The following TCTN3 variants were observed in gnomAD, a reference collection of about 807,000 sequenced individuals.
TCTN3 encodes the protein tectonic-3.
In TCTN3, 57 loss-of-function variants were observed where a neutral mutation model predicts 71.3. The observed-to-expected ratio is 0.80, with a 90% CI of 0.65 to 1.00. The LOEUF is 1.00. TCTN3 is among the 50% of genes least tolerant of loss of function. The pLI, the probability that TCTN3 is intolerant of heterozygous loss-of-function variation, is 0.00. For synonymous variants in TCTN3, 258 were observed against 267.8 expected (o/e 0.96, Z 0.36); for missense variants, 696 against 719.9 (o/e 0.97, Z 0.38).
intron 6 of TCTN3, 42 bp from the exon 7 acceptor site, chr10:95,686,572 A>G (rs369514126): frequency 6.3e-6 from 10 of 1,598,858 alleles, no homozygotes; most frequent in Non-Finnish European, 8.5e-6. Flanking sequence ...ATACCTTACC[A>G]AAAATCACCA....
chr10:95,686,257 A>G (rs1403656698), intron 7 of TCTN3, among the ~76,000 whole-genome samples: 1 of 152,212 alleles, frequency 6.6e-6, no homozygotes, highest in African/African-American at 2.4e-5. Context: ...CACCCTAAAT[A>G]TAGTTTATTT....
chr10:95,671,426 A>C (rs1272336905), intron 13 of TCTN3, among the ~76,000 whole-genome samples: 1 of 152,264 alleles, frequency 6.6e-6, no homozygotes, highest in Non-Finnish European at 1.5e-5. Context: ...ACTTTGTAAC[A>C]ACATGAAGAC....
chr10:95,669,273 A>ATAGC (rs2097928553), intron 13 of TCTN3, among the ~76,000 whole-genome samples: 1 of 152,226 alleles, frequency 6.6e-6, no homozygotes, highest in South Asian at 2.1e-4. Flanking sequence ...GTATTTCAAA[A>ATAGC]TAGCTAGAAG....
At position 95,687,642 on chromosome 10, in the gene TCTN3, C is replaced by A. The variant is rs745634312; in HGVS notation, c.577G>T (p.Glu193Ter). The change falls in exon 4 of 14, where the codon GAA (glutamate) becomes TAA (stop). Residue 193 changes from glutamate (E) to a stop codon, truncating the protein, a stop_gained. Transcript: ENST00000371217. LOFTEE classifies it high-confidence loss of function. Reference protein sequence around the residue: ...FQALAAEFGGESFTSTFQTQS... With the variant: ...FQALAAEFGG ...GTTTGGAATGTTGAAGTGAATGATT[C>A]GCCTCCAAACTCTGCAGCCAGGGCC... is the stretch of plus-strand genomic sequence containing the variant. The A allele has an allele frequency of 1.2e-6, 2 of 1,614,018 alleles. No individual in the cohort carries two copies. Among genetic ancestry groups the A allele is most frequent in the Non-Finnish European group, 1.7e-6 (2 of 1,180,018 alleles).
chr10:95,693,719 G>T lies in TCTN3; in HGVS notation c.181C>A (p.Pro61Thr), dbSNP rs999127884. The change falls in exon 1 of 14, where the codon CCT (proline) becomes ACT (threonine). Residue 61 changes from proline (P) to threonine (T), a missense_variant. Physicochemically the swap from Pro to Thr is conservative, Grantham distance 38. Transcript: ENST00000371217. The part of the protein sequence containing the change: ...SEATATRPAV[P>T]GLPTVVPTLV... ...GTAGGGACCACTGTAGGGAGTCCAG[G>T]CACGGCCGGGCGAGTTGCAGTCGCC... The T allele has an allele frequency of 3.0e-5, 47 of 1,551,582 alleles. 1 individual carries two copies. Among genetic ancestry groups the T allele is most frequent in the South Asian group, 5.9e-5 (5 of 84,066 alleles).
At chr10:95,693,119 A>G in intron 2 of TCTN3, 81 bp from the exon 3 acceptor site, 5 of 1,257,114 alleles carry the variant, frequency 4.0e-6, no homozygotes, top group Non-Finnish European at 4.5e-6. Context: ...AATATCGGCC[A>G]GATGATGCCA....
chr10:95,672,299 C>A (rs997475261), intron 13 of TCTN3, among the ~76,000 whole-genome samples: 3 of 152,090 alleles, frequency 2.0e-5, no homozygotes, highest in African/African-American at 7.2e-5. Flanking sequence ...TTTGCCCATT[C>A]TCCTCAAGAT....
At position 95,693,232 on chromosome 10, in the gene TCTN3, G is replaced by A. The variant is rs750695902; in HGVS notation, c.380+121C>T. The stretch of plus-strand genomic sequence containing the variant: ...AAGGCAATTCCTAGGAAAAACCAAG[G>A]GAATGTCCTAGGAGTGGAAGTACGG... On this transcript the variant is annotated intron_variant, in intron 2 of 13. Coordinates refer to ENST00000371217, the MANE Select transcript of TCTN3 (RefSeq NM_015631.6). 5.5e-6 allele frequency: 8 copies of A among 1,451,790 alleles called. No homozygotes were observed. The African/African-American group carries it at 1.0e-4, about 18-fold the overall frequency. The allele number at this position is 1,451,790 out of a possible 1,614,324, so 89.9% of individuals were successfully genotyped here.
At chr10:95,682,169 T>C (rs528230393) in intron 12 of TCTN3, among the ~76,000 whole-genome samples, 1 of 146,860 alleles carries the variant, frequency 6.8e-6, no homozygotes, top group African/African-American at 2.5e-5. Context: ...CACTCCAGCC[T>C]AGGTAAGAGT....
chr10:95,684,623 A>G lies in TCTN3; in HGVS notation c.971T>C (p.Val324Ala). The G allele has an allele frequency of 6.2e-7, 1 of 1,612,942 alleles. No homozygotes were observed. Among genetic ancestry groups the G allele is most frequent in the Non-Finnish European group, 8.5e-7 (1 of 1,179,542 alleles). The change falls in exon 9 of 14, where the codon GTC becomes GCC. Residue 324 changes from valine (V) to alanine (A), a missense_variant and splice_region_variant. Physicochemically the swap from Val to Ala is moderately conservative, Grantham distance 64. Coordinates refer to ENST00000371217, the MANE Select transcript of TCTN3 (RefSeq NM_015631.6). ...GNTCQNVVSQ[V>A]TYEIETNGTF... is the part of the protein sequence containing the mutation. The stretch of plus-strand genomic sequence containing the variant: ...CCCATTGGTCTCTATCTCATAGGTG[A>G]CCTGAAATGCAAAAAGAATCAATTA...
intron 3 of TCTN3, among the ~76,000 whole-genome samples, chr10:95,691,437 G>C (rs1344237960): frequency 6.6e-6 from 1 of 152,132 alleles, no homozygotes; most frequent in South Asian, 2.1e-4. Flanking sequence ...ACAGGAGTGA[G>C]CCACCGCGTC....
In TCTN3 at chr10:95,684,571, G is replaced by C; in HGVS notation, c.1023C>G (p.Val341=). The change falls in exon 9 of 14, where the codon GTC becomes GTG. Residue 341 remains valine, a synonymous_variant. Transcript: ENST00000371217. The stretch of plus-strand genomic sequence containing the variant: ...CAGTCAGGTTGGTTTGTCCCAAACT[G>C]ACAGAAACTTTCTGGATTCCAAAAG... The part of the protein sequence containing the change: ...NGTFGIQKVS[V]SLGQTNLTVE... 1 of 1,614,076 alleles carries C rather than the reference G, an allele frequency of 6.2e-7. No homozygotes were observed. The highest frequency in any genetic ancestry group is 8.5e-7 in the Non-Finnish European group (1 of 1,179,938).
rs527678640 is a variant in TCTN3, at chr10:95,685,881, G to A, written c.889-245C>T. Among the ~76,000 whole-genome samples the A allele has an allele frequency of 1.1e-3, 161 of 152,296 alleles. 2 individuals carry two copies. Among genetic ancestry groups the A allele is most frequent in the Non-Finnish European group, 3.8e-4 (26 of 68,014 alleles). On this transcript the variant is annotated intron_variant, in intron 7 of 13. Coordinates refer to ENST00000371217, the MANE Select transcript of TCTN3 (RefSeq NM_015631.6). ...GGGTTCCATAGTCAAATAATTGTTAGAAATACTATATTCAGTATTCCCCTT... is the reference window on the plus strand; with the variant it reads ...GGGTTCCATAGTCAAATAATTGTTAAAAATACTATATTCAGTATTCCCCTT...
chr10:95,679,117 G>A (rs1453316702), intron 13 of TCTN3, among the ~76,000 whole-genome samples: 3 of 152,204 alleles, frequency 2.0e-5, no homozygotes, highest in African/African-American at 4.8e-5. Flanking sequence ...GTGAATGACT[G>A]TAGTGTGGTT....
In TCTN3 at chr10:95,680,572, G is replaced by C. The variant is rs139612049; in HGVS notation, c.1490C>G (p.Ser497Cys). ...NCTSCCLIPV[S>C]LEIQVLWAYV... is the part of the protein sequence containing the mutation. ...TGCCCACAATACCTGGATCTCCAGG[G>C]AAACTGGTATGAGACAGCAGGAAGT... The change falls in exon 13 of 14, where the codon TCC becomes TGC. Residue 497 changes from serine (S) to cysteine (C), a missense_variant. Coordinates refer to ENST00000371217, the MANE Select transcript of TCTN3 (RefSeq NM_015631.6). The C allele has an allele frequency of 1.1e-5, 18 of 1,614,112 alleles. No homozygotes were observed. The highest frequency in any genetic ancestry group is 1.5e-5 in the Non-Finnish European group (18 of 1,180,020).
chr10:95,678,220 T>C (rs1589609653), intron 13 of TCTN3, among the ~76,000 whole-genome samples: 1 of 152,280 alleles, frequency 6.6e-6, no homozygotes, highest in African/African-American at 2.4e-5. Flanking sequence ...GGATAAGCTA[T>C]TGCTATTCTG....
chr10:95,664,032 A>T lies in TCTN3; in HGVS notation c.*35T>A, dbSNP rs186039818. The T allele has an allele frequency of 1.1e-5, 18 of 1,594,706 alleles. No homozygotes were observed. The Admixed American group carries it at 1.3e-4, about 12-fold the overall frequency. On this transcript the variant is annotated 3_prime_UTR_variant, in exon 14 of 14. Coordinates refer to ENST00000371217, the MANE Select transcript of TCTN3 (RefSeq NM_015631.6). ...ATAAGTGGCTGCCTCAGAGTTTCTCATAGGGAAAACTGAAATCTGATTATT... is the reference window on the plus strand; with the variant it reads ...ATAAGTGGCTGCCTCAGAGTTTCTCTTAGGGAAAACTGAAATCTGATTATT...
intron 13 of TCTN3, among the ~76,000 whole-genome samples, chr10:95,665,702 G>A (rs991499363): frequency 5.9e-5 from 9 of 152,258 alleles, no homozygotes; most frequent in Admixed American, 5.9e-4. Flanking sequence ...ATTTGAAACT[G>A]CCCTCTCTGA....
At chr10:95,690,375 A>G (rs771222992) in intron 3 of TCTN3, among the ~76,000 whole-genome samples, 1 of 152,234 alleles carries the variant, frequency 6.6e-6, no homozygotes, top group Non-Finnish European at 1.5e-5. Context: ...TGATGTTTAC[A>G]TAAACTAATA....
Sources: allele counts gnomAD v4.1 joint callset (sites outside exome capture counted in the v4.1 genomes callset), GRCh38; gene constraint gnomAD v4.1.1; transcripts MANE v1.5; gene names NCBI Gene and HGNC (gene_info 2026-07-23, HGNC 2026-07-21).